NKAIN2: variants seen among roughly 807,000 people sequenced by gnomAD.
The protein encoded by NKAIN2 is sodium/potassium-transporting ATPase subunit beta-1-interacting protein 2.
Under a neutral mutation model 32.6 loss-of-function variants are expected in NKAIN2, and 14 were observed. The ratio of observed to expected loss-of-function variants is 0.43; its 90% CI spans 0.28 to 0.67. The LOEUF (loss-of-function observed/expected upper bound fraction) is 0.67. Ranked by LOEUF, NKAIN2 falls within the 30% of genes least tolerant of loss-of-function variation. The pLI is 0.17. For missense variants in NKAIN2, 198 were observed against 258.3 expected (o/e 0.77, Z 1.60); for synonymous variants, 80 against 87.2 (o/e 0.92, Z 0.46).
At chr6:123,974,486 T>C (rs1457315519) in intron 1 of NKAIN2, among the ~76,000 whole-genome samples, 1 of 152,144 alleles carries the variant, frequency 6.6e-6, no homozygotes, top group African/African-American at 2.4e-5. Flanking sequence ...ATAGAGACCA[T>C]GAAGTTTTCA....
At chr6:123,889,554 T>A (rs1773899448) in intron 1 of NKAIN2, among the ~76,000 whole-genome samples, 1 of 152,130 alleles carries the variant, frequency 6.6e-6, no homozygotes. Flanking sequence ...AAAACAAGCA[T>A]TTTGGGCCAG....
chr6:124,398,612 A>G (rs1314308841), intron 3 of NKAIN2, among the ~76,000 whole-genome samples: 2 of 152,210 alleles, frequency 1.3e-5, no homozygotes, highest in Admixed American at 1.3e-4. Flanking sequence ...GTGTATTATG[A>G]TGATTAAAAC....
intron 3 of NKAIN2, among the ~76,000 whole-genome samples, chr6:124,612,247 G>GA (rs908185649): frequency 9.5e-5 from 14 of 147,700 alleles, no homozygotes; most frequent in East Asian, 5.9e-4. Context: ...CTGCTAGGGG[G>GA]AAAAAAAAAT....
chr6:124,359,331 G>T (rs1347530740), intron 3 of NKAIN2, among the ~76,000 whole-genome samples: 5 of 152,080 alleles, frequency 3.3e-5, no homozygotes, highest in Admixed American at 6.6e-5. Context: ...AGCTTGATGG[G>T]GATGGCATTG....
chr6:124,612,987 A>T (rs551713808), intron 3 of NKAIN2, among the ~76,000 whole-genome samples: 3 of 152,168 alleles, frequency 2.0e-5, no homozygotes, highest in Admixed American at 6.5e-5. Context: ...GAGCCAAGAA[A>T]TACAAAGTCA....
chr6:124,727,377 G>A lies in NKAIN2; in HGVS notation c.475-63962G>A, dbSNP rs551356299. 7.2e-5 allele frequency among the ~76,000 whole-genome samples: 11 copies of A among 152,156 alleles called. No homozygotes were observed. The East Asian group carries it at 2.1e-3, about 29-fold the overall frequency. On this transcript the variant is annotated intron_variant, in intron 4 of 6. Transcript: ENST00000368417. ...GGATCTCTTGGCAGAAACCCTACAA[G>A]CCAGAAGAGAGTGGGGGCCAATATT...
rs573122839 is a variant in NKAIN2 at position 123,974,868 on chromosome 6, G to C, written c.54+170614G>C. On this transcript the variant is annotated intron_variant, in intron 1 of 6. Coordinates refer to ENST00000368417, the MANE Select transcript of NKAIN2 (RefSeq NM_001040214.3). ...ACAACTCTTATTAACATTTTGTCTT[G>C]CTCCACAGAGAGTGCGTCCTGCAGT... Among the ~76,000 whole-genome samples, 5 of 152,254 alleles carry C rather than the reference G, an allele frequency of 3.3e-5. No homozygotes were observed. The South Asian group carries it at 1.0e-3, about 32-fold the overall frequency.
rs376122264 is a variant in NKAIN2 at position 124,346,324 on chromosome 6, G to T, written c.193-8943G>T. On this transcript the variant is annotated intron_variant, in intron 2 of 6. Transcript: ENST00000368417. ...ATGTATATTCTGTTGATTTAGGGTG[G>T]AGAGTTCTGTAGATGTCTATTAGGT... 2.8e-4 allele frequency among the ~76,000 whole-genome samples: 43 copies of T among 152,248 alleles called. 1 individual carries two copies. In the South Asian group the frequency reaches 8.5e-3, roughly 30 times the overall value.
At chr6:123,836,250 A>G (rs1212196651) in intron 1 of NKAIN2, among the ~76,000 whole-genome samples, 1 of 152,034 alleles carries the variant, frequency 6.6e-6, no homozygotes, top group Non-Finnish European at 1.5e-5. Flanking sequence ...AGGCTGGACA[A>G]AGTGACTTAT....
At chr6:124,136,426 A>G (rs1379847492) in intron 1 of NKAIN2, among the ~76,000 whole-genome samples, 1 of 152,130 alleles carries the variant, frequency 6.6e-6, no homozygotes, top group Non-Finnish European at 1.5e-5. Context: ...ATTCTATCAG[A>G]CATTTAAAGA....
intron 1 of NKAIN2, among the ~76,000 whole-genome samples, chr6:123,936,100 C>G (rs1776497583): frequency 6.6e-6 from 1 of 152,138 alleles, no homozygotes; most frequent in Non-Finnish European, 1.5e-5. Context: ...ACTAAAAGCG[C>G]CACTTTAATT....
intron 1 of NKAIN2, among the ~76,000 whole-genome samples, chr6:124,109,869 TA>T (rs1254508481): frequency 6.6e-6 from 1 of 152,118 alleles, no homozygotes; most frequent in South Asian, 2.1e-4. Context: ...CTGTGATTTT[TA>T]TCCTTTATTC....
At chr6:124,566,618 G>A (rs2114907256) in intron 3 of NKAIN2, among the ~76,000 whole-genome samples, 1 of 152,236 alleles carries the variant, frequency 6.6e-6, no homozygotes, top group South Asian at 2.1e-4. Flanking sequence ...TGGGCACTAT[G>A]CAATAAAAGA....
intron 4 of NKAIN2, among the ~76,000 whole-genome samples, chr6:124,772,364 C>T (rs1207568669): frequency 2.0e-5 from 3 of 151,990 alleles, no homozygotes; most frequent in Non-Finnish European, 4.4e-5. Flanking sequence ...GAGCAAGAGA[C>T]GAGGGCCAGA....
At chr6:124,813,191 C>CA (rs201792123) in intron 5 of NKAIN2, among the ~76,000 whole-genome samples, 1,891 of 152,146 alleles carry the variant, frequency 0.012, 47 homozygotes, top group African/African-American at 0.044. Flanking sequence ...AGATACATTA[C>CA]AAAAAAGCCC....
intron 1 of NKAIN2, among the ~76,000 whole-genome samples, chr6:123,906,324 A>G (rs1234076952): frequency 6.7e-6 from 1 of 149,510 alleles, no homozygotes; most frequent in East Asian, 2.0e-4. Flanking sequence ...TACTCTTTTC[A>G]CAGGCTGGAG....
chr6:124,076,733 G>C (rs1424844483), intron 1 of NKAIN2, among the ~76,000 whole-genome samples: 1 of 152,170 alleles, frequency 6.6e-6, no homozygotes, highest in East Asian at 1.9e-4. Flanking sequence ...GTCAAGAAAG[G>C]TGAGCCTTCT....
At position 124,336,672 on chromosome 6, in the gene NKAIN2, T is replaced by G. The variant is rs1797878630; in HGVS notation, c.193-18595T>G. 2.7e-5 allele frequency among the ~76,000 whole-genome samples: 4 copies of G among 147,520 alleles called. No individual in the cohort carries two copies. In the South Asian group the frequency reaches 6.5e-4, roughly 24 times the overall value. On this transcript the variant is annotated intron_variant, in intron 2 of 6. Coordinates refer to ENST00000368417, the MANE Select transcript of NKAIN2 (RefSeq NM_001040214.3). ...TACTTCTAACTGAAATAGTTTGTTT[T>G]TTTTTGTTTGTTTTTTTTTTGAGAC... is the stretch of plus-strand genomic sequence containing the variant.
intron 1 of NKAIN2, among the ~76,000 whole-genome samples, chr6:123,920,262 TA>T (rs938871194): frequency 4.6e-5 from 7 of 152,180 alleles, no homozygotes; most frequent in Non-Finnish European, 4.4e-5. Flanking sequence ...ATAAGCACTT[TA>T]TTTCTAGAAT....
Sources: allele counts gnomAD v4.1 joint callset (sites outside exome capture counted in the v4.1 genomes callset), GRCh38; gene constraint gnomAD v4.1.1; transcripts MANE v1.5; gene names NCBI Gene and HGNC (gene_info 2026-07-23, HGNC 2026-07-21).